The following UVSSA variants were observed in gnomAD, a reference collection of about 807,000 sequenced individuals.
UVSSA encodes the protein UV-stimulated scaffold protein A.
UVSSA carries 72 observed loss-of-function variants against 73.9 expected under a neutral mutation model. That is an observed-to-expected ratio of 0.97 (90% CI 0.81 to 1.19). UVSSA has a LOEUF of 1.19. UVSSA is among the 50% of genes most tolerant of loss of function. The pLI is 0.00. For missense variants in UVSSA, 1,150 were observed against 965.0 expected (o/e 1.19, Z -2.54); for synonymous variants, 454 against 391.3 (o/e 1.16, Z -1.89).
Position 1,351,796 on chromosome 4 carries a change from T to C in UVSSA, c.511T>C (p.Tyr171His), listed in dbSNP as rs542457962. 5 of 1,613,664 alleles carry C rather than the reference T, an allele frequency of 3.1e-6. No individual in the cohort carries two copies. In the South Asian group the frequency reaches 4.4e-5, roughly 14 times the overall value. The change falls in exon 4 of 14, where the codon TAT (tyrosine) becomes CAT (histidine). Residue 171 changes from tyrosine to histidine, a missense_variant. Physicochemically the swap from Tyr to His is moderately conservative, Grantham distance 83 (BLOSUM62 2). Transcript: ENST00000389851. ...EEKQKHLDKI[Y>H]QERASQAERE... The stretch of plus-strand genomic sequence containing the variant: ...GAAGCAGAAGCACTTGGATAAAATT[T>C]ATCAAGAAAGAGCCAGCCAGGCGGA...
intron 7 of UVSSA, among the ~76,000 whole-genome samples, chr4:1,355,827 G>A (rs575876187): frequency 6.6e-6 from 1 of 152,252 alleles, no homozygotes; most frequent in South Asian, 2.1e-4. Context: ...GGGTGCCTCT[G>A]GTGGGTGAAG....
chr4:1,381,022 A>C lies in UVSSA; in HGVS notation c.1861+34A>C, dbSNP rs766613113. The C allele has an allele frequency of 8.2e-6, 13 of 1,586,948 alleles. No individual in the cohort carries two copies. In the South Asian group the frequency reaches 1.2e-4, roughly 15 times the overall value. Reference sequence around the variant, plus strand: ...GGGCAAGGCGGTCACCGTGGGAGGCACAGCCTGGGACTCACTGCCACTAGT... The same window carrying C: ...GGGCAAGGCGGTCACCGTGGGAGGCCCAGCCTGGGACTCACTGCCACTAGT... On this transcript the variant is annotated intron_variant, in intron 12 of 13. Coordinates refer to ENST00000389851, the MANE Select transcript of UVSSA (RefSeq NM_020894.4).
intron 8 of UVSSA, among the ~76,000 whole-genome samples, chr4:1,370,391 G>T (rs1577345995): frequency 6.6e-6 from 1 of 152,252 alleles, no homozygotes; most frequent in East Asian, 1.9e-4. Context: ...GCGCTGAGCA[G>T]GGGCTGCCCG....
chr4:1,354,981 C>T (rs1715470502), intron 6 of UVSSA, 134 bp downstream of exon 6: 18 of 1,527,214 alleles, frequency 1.2e-5, no homozygotes, highest in Non-Finnish European at 1.6e-5. Flanking sequence ...TGTCCCTCAC[C>T]CGCAGCTTTG....
chr4:1,383,843 A>G lies in UVSSA; in HGVS notation c.1939A>G (p.Lys647Glu). The G allele has an allele frequency of 6.2e-7, 1 of 1,613,464 alleles. No homozygotes were observed. The highest frequency in any genetic ancestry group is 8.5e-7 in the Non-Finnish European group (1 of 1,179,974). Residue 647 changes from lysine (K) to glutamate (E), a missense_variant, in exon 13 of 14, where the codon AAA (lysine) becomes GAA (glutamate). Transcript: ENST00000389851. ...QDLGSSRYSGKGRGKKRRYPS... is the reference protein window; with the variant it reads ...QDLGSSRYSGEGRGKKRRYPS... ...TCTCGGCTCATCCAGGTACAGCGGG[A>G]AAGGCAGGGGGAAGAAGAGGAGGTA... is the stretch of plus-strand genomic sequence containing the variant.
upstream of UVSSA, among the ~76,000 whole-genome samples, chr4:1,346,432 GTCC>G (rs1713688432): frequency 6.6e-6 from 1 of 152,226 alleles, no homozygotes; most frequent in Admixed American, 6.5e-5. Flanking sequence ...CTCCAGGTCC[GTCC>G]GTCCGCAGCC....
intron 4 of UVSSA, among the ~76,000 whole-genome samples, chr4:1,352,779 C>G (rs529990994): frequency 6.6e-6 from 1 of 152,246 alleles, no homozygotes; most frequent in Non-Finnish European, 1.5e-5. Context: ...TAGCAGGACC[C>G]TGTTTCTACA....
Position 1,351,782 on chromosome 4 carries a change from A to G in UVSSA, c.497A>G (p.His166Arg). 1.2e-6 allele frequency: 2 copies of G among 1,613,774 alleles called. No individual in the cohort carries two copies. Among genetic ancestry groups the G allele is most frequent in the Non-Finnish European group, 1.7e-6 (2 of 1,179,914 alleles). The change falls in exon 4 of 14, where the codon CAC becomes CGC. Residue 166 changes from histidine (H) to arginine (R), a missense_variant. Transcript: ENST00000389851. The part of the protein sequence containing the change: ...ERKREEEKQK[H>R]LDKIYQERAS... ...AAGAGAGAAGAGGAGAAGCAGAAGCACTTGGATAAAATTTATCAAGAAAGA... is the reference window on the plus strand; with the variant it reads ...AAGAGAGAAGAGGAGAAGCAGAAGCGCTTGGATAAAATTTATCAAGAAAGA...
intron 7 of UVSSA, among the ~76,000 whole-genome samples, chr4:1,362,229 G>A (rs960022327): frequency 1.3e-5 from 2 of 152,214 alleles, no homozygotes; most frequent in South Asian, 2.1e-4. Context: ...GCTCCTGCCC[G>A]CCTCCCCGCG....
upstream of UVSSA, among the ~76,000 whole-genome samples, chr4:1,343,798 A>AG: frequency 6.6e-6 from 1 of 152,172 alleles, no homozygotes; most frequent in East Asian, 1.9e-4. Flanking sequence ...AAAAAAAAAA[A>AG]GTATTTATAG....
intron 7 of UVSSA, chr4:1,359,199 TC>T (rs1560445500): frequency 6.6e-6 from 1 of 152,230 alleles, no homozygotes; most frequent in African/African-American, 2.4e-5. Flanking sequence ...GGACAGATGT[TC>T]CGTCTTCAGA....
At chr4:1,371,661 GA>G (rs1175872455) in intron 8 of UVSSA, among the ~76,000 whole-genome samples, 1 of 152,220 alleles carries the variant, frequency 6.6e-6, no homozygotes, top group Non-Finnish European at 1.5e-5. Context: ...AGCAGGCAGG[GA>G]GAGGGCTTGT....
At position 1,395,572 on chromosome 4, in the gene UVSSA, T is replaced by C. The variant is rs1560502420; in HGVS notation, c.*9611T>C. 7 of 1,591,822 alleles carry C rather than the reference T, an allele frequency of 4.4e-6. No individual in the cohort carries two copies. The Admixed American group carries it at 8.7e-5, about 20-fold the overall frequency. On this transcript the variant is annotated 3_prime_UTR_variant, in exon 14 of 14. Transcript: ENST00000511216. ...GTGCCCATGTGGAGTGCCCGCCTGC[T>C]CACACGTGCCCATGTGGAGTGCCCG...
intron 12 of UVSSA, 132 bp from the exon 13 acceptor site, chr4:1,383,634 C>G: frequency 9.7e-7 from 1 of 1,026,412 alleles, no homozygotes; most frequent in Non-Finnish European, 1.4e-6. Flanking sequence ...TTGCTGCTGC[C>G]AGGGTACGGC....
At chr4:1,349,029 C>G (rs904599967) in intron 2 of UVSSA, among the ~76,000 whole-genome samples, 3 of 141,754 alleles carry the variant, frequency 2.1e-5, no homozygotes, top group African/African-American at 7.5e-5. Context: ...GCGGTTTGTG[C>G]CAGGCGGTGT....
chr4:1,382,954 G>T (rs1245346473), intron 12 of UVSSA, among the ~76,000 whole-genome samples: 1 of 152,196 alleles, frequency 6.6e-6, no homozygotes, highest in Non-Finnish European at 1.5e-5. Context: ...CCCGTCAGGG[G>T]TGGCCTTCCC....
rs1720264942 is a variant in UVSSA at position 1,387,941 on chromosome 4, C to A, written c.*1980C>A. ...AATTTTAGGATCCACTCATCAGTTT[C>A]TTCAAAAAAAAAAAAAAAGCAGCTG... On this transcript the variant is annotated 3_prime_UTR_variant, in exon 14 of 14. Transcript: ENST00000389851. 4 of 144,328 alleles carry A rather than the reference C, an allele frequency of 2.8e-5. No homozygotes were observed. Among genetic ancestry groups the A allele is most frequent in the African/African-American group, 5.2e-5 (2 of 38,790 alleles). The allele number at this position is 144,328 out of a possible 1,614,324, so 8.9% of individuals were successfully genotyped here. A position where few individuals can be genotyped will look rare whatever the true frequency, so the allele number is the denominator to read the frequency against.
intron 8 of UVSSA, among the ~76,000 whole-genome samples, chr4:1,367,989 C>G (rs1331506203): frequency 5.3e-5 from 8 of 152,280 alleles, no homozygotes; most frequent in Non-Finnish European, 1.2e-4. Context: ...CCGCTGCAAT[C>G]TCCTTCATGG....
At position 1,349,562 on chromosome 4, in the gene UVSSA, T is replaced by C. The variant is rs760651696; in HGVS notation, c.137T>C (p.Leu46Pro). The C allele has an allele frequency of 3.1e-6, 5 of 1,613,842 alleles. No homozygotes were observed. The highest frequency in any genetic ancestry group is 2.7e-5 in the African/African-American group (2 of 74,934). The change falls in exon 3 of 14, where the codon CTG becomes CCG. Residue 46 changes from leucine (L) to proline (P), a missense_variant. Leu to Pro is a moderately conservative substitution (Grantham distance 98, BLOSUM62 -3). Transcript: ENST00000389851. ...CAGCTGAGCCGCGCCTACCGCCTGC[T>C]GATAGCACAGCTGACCCAGGAGCAC... Reference protein sequence around the residue: ...EEQLSRAYRLLIAQLTQEHAE... With the variant: ...EEQLSRAYRLPIAQLTQEHAE...
Sources: allele counts gnomAD v4.1 joint callset (sites outside exome capture counted in the v4.1 genomes callset), GRCh38; gene constraint gnomAD v4.1.1; transcripts MANE v1.5; gene names NCBI Gene and HGNC (gene_info 2026-07-23, HGNC 2026-07-21).